SHB: variants seen among roughly 807,000 people sequenced by gnomAD.
The protein encoded by SHB is SH2 domain containing adaptor protein B, also known as SH2 domain-containing adapter protein B.
SHB carries 20 observed loss-of-function variants against 52.3 expected under a neutral mutation model. The observed-to-expected ratio is 0.38, with a 90% CI of 0.27 to 0.56. The LOEUF is 0.56. Among genes scored for constraint, SHB ranks in the 20% least tolerant of loss-of-function variants. The probability of loss-of-function intolerance (pLI) is 0.71; values close to 1 mark genes in which losing one functional copy is unlikely to be tolerated. For synonymous variants in SHB, 397 were observed against 316.5 expected, an observed-to-expected ratio of 1.25 and a Z score of -2.70; for missense variants, 825 against 723.3, an observed-to-expected ratio of 1.14 and a Z score of -1.61.
chr9:38,067,389 C>T, intron 1 of SHB, among the ~76,000 whole-genome samples: 1 of 152,144 alleles, frequency 6.6e-6, no homozygotes, highest in Non-Finnish European at 1.5e-5. Context: ...GATTTGGAAA[C>T]CTAGAGCTGG....
Position 37,919,889 on chromosome 9 carries a change from T to C in SHB, c.1462A>G (p.Arg488Gly), listed in dbSNP as rs1432255196. ...TCAGCCCCTTTGATGGGTAGCTTTCTGGTGGTGTAGTAGTGGATGACTTCC... is the reference window on the plus strand; with the variant it reads ...TCAGCCCCTTTGATGGGTAGCTTTCCGGTGGTGTAGTAGTGGATGACTTCC... ...VPEVIHYYTT[R>G]KLPIKGAEHL... The change falls in exon 6 of 6, where the codon AGA (arginine) becomes GGA (glycine). Residue 488 changes from arginine to glycine, a missense_variant. Physicochemically the swap from Arg to Gly is moderately radical, Grantham distance 125. Transcript: ENST00000377707. The C allele has an allele frequency of 2.7e-5, 43 of 1,614,032 alleles. No homozygotes were observed. The highest frequency in any genetic ancestry group is 3.4e-5 in the Non-Finnish European group (40 of 1,179,976).
chr9:38,061,243 T>C (rs993747281), intron 1 of SHB, among the ~76,000 whole-genome samples: 4 of 150,272 alleles, frequency 2.7e-5, no homozygotes, highest in Non-Finnish European at 5.9e-5. Context: ...GCCTGGGAAG[T>C]TGAGGCTGCA....
chr9:38,013,877 A>G (rs1271696597), intron 2 of SHB, among the ~76,000 whole-genome samples: 2 of 152,096 alleles, frequency 1.3e-5, no homozygotes, highest in South Asian at 2.1e-4. Context: ...ACTTACTTCT[A>G]TTGGTGCGAC....
At chr9:38,039,284 A>C (rs568780103) in intron 1 of SHB, among the ~76,000 whole-genome samples, 1 of 152,378 alleles carries the variant, frequency 6.6e-6, no homozygotes, top group East Asian at 1.9e-4. Flanking sequence ...AATCTAAACA[A>C]GAAGAAAACT....
At chr9:38,041,626 G>A (rs1252626092) in intron 1 of SHB, among the ~76,000 whole-genome samples, 1 of 152,062 alleles carries the variant, frequency 6.6e-6, no homozygotes, top group Non-Finnish European at 1.5e-5. Flanking sequence ...GTGGTGGTGG[G>A]GTGGAGATTT....
chr9:38,007,626 G>C (rs1215325189), intron 2 of SHB, among the ~76,000 whole-genome samples: 2 of 152,208 alleles, frequency 1.3e-5, no homozygotes, highest in African/African-American at 2.4e-5. Flanking sequence ...CAGGTCCCAG[G>C]AGTGAATTAA....
intron 2 of SHB, among the ~76,000 whole-genome samples, chr9:38,015,086 A>C (rs573926971): frequency 1.3e-5 from 2 of 152,340 alleles, no homozygotes; most frequent in East Asian, 3.9e-4. Context: ...AGGCAGCCCC[A>C]AACTTGCTCC....
chr9:37,974,553 G>GGTGGGGACCAAGGTGA, intron 3 of SHB, 69 bp downstream of exon 3: 6 of 1,364,428 alleles, frequency 4.4e-6, no homozygotes, highest in Non-Finnish European at 6.1e-6. Context: ...CCTGAGCGCA[G>GGTGGGGACCAAGGTGA]GTGGGGACCA....
intron 2 of SHB, among the ~76,000 whole-genome samples, chr9:37,980,792 G>C (rs1032548062): frequency 6.6e-6 from 1 of 152,204 alleles, no homozygotes; most frequent in African/African-American, 2.4e-5. Flanking sequence ...TGTTGTGTTA[G>C]CAGGCATGAA....
At chr9:37,923,331 A>AGGGGCTGGGAGTAAAAGAC (rs1832205691) in intron 5 of SHB, among the ~76,000 whole-genome samples, 2 of 152,290 alleles carry the variant, frequency 1.3e-5, no homozygotes, top group Admixed American at 1.3e-4. Context: ...GAGACAGCAG[A>AGGGGCTGGGAGTAAAAGAC]GGGGCTGGGA....
At chr9:38,050,441 A>G (rs1821724550) in intron 1 of SHB, among the ~76,000 whole-genome samples, 1 of 152,318 alleles carries the variant, frequency 6.6e-6, no homozygotes, top group South Asian at 2.1e-4. Context: ...ATTCAAATAT[A>G]TGGATATTTT....
At chr9:37,979,150 A>G (rs1473844999) in intron 2 of SHB, among the ~76,000 whole-genome samples, 1 of 152,206 alleles carries the variant, frequency 6.6e-6, no homozygotes, top group Admixed American at 6.5e-5. Flanking sequence ...GGAGTCTGTG[A>G]CCATATGTTT....
rs1363921295 is a variant in SHB, at chr9:38,041,774, G to A, written c.718-25643C>T. Among the ~76,000 whole-genome samples the A allele has an allele frequency of 5.5e-4, 84 of 152,218 alleles. 2 individuals carry two copies. Among genetic ancestry groups the A allele is most frequent in the Admixed American group, 5.2e-3 (80 of 15,288 alleles). On this transcript the variant is annotated intron_variant, in intron 1 of 5. Transcript: ENST00000377707. ...ATCAGCTGCCCTCCACAAACAGGTCGTGACAGGGGCCGGTACTGAATGCCC... is the reference window on the plus strand; with the variant it reads ...ATCAGCTGCCCTCCACAAACAGGTCATGACAGGGGCCGGTACTGAATGCCC...
At chr9:38,042,223 G>A (rs1216464347) in intron 1 of SHB, among the ~76,000 whole-genome samples, 3 of 152,198 alleles carry the variant, frequency 2.0e-5, no homozygotes, top group Non-Finnish European at 4.4e-5. Flanking sequence ...GAGTGTTGCT[G>A]CAACAAAGCA....
chr9:37,974,504 G>A, intron 3 of SHB, 118 bp downstream of exon 3: 1 of 835,392 alleles, frequency 1.2e-6, no homozygotes, highest in Non-Finnish European at 1.9e-6. Flanking sequence ...TGAGAAAAAA[G>A]ACCACCCAAC....
rs745352256 is a variant in SHB at position 38,068,045 on chromosome 9, C to T, written c.601G>A (p.Gly201Arg). The change falls in exon 1 of 6, where the codon GGG becomes AGG. Residue 201 changes from glycine (G) to arginine (R), a missense_variant. By Grantham distance (125) the Gly-to-Arg change is moderately radical (BLOSUM62 -2). Transcript: ENST00000377707. ...GTGCGGCCGCCCGCGCAGGCGCCCC[C>T]CAGGGGGTCCCCGGCCCCACCGCCC... is the stretch of plus-strand genomic sequence containing the variant. ...AAGGGAGDPL[G>R]GACAGGRTWS... 5 of 1,502,122 alleles carry T rather than the reference C, an allele frequency of 3.3e-6. No individual in the cohort carries two copies. Among genetic ancestry groups the T allele is most frequent in the Admixed American group, 4.5e-5 (2 of 44,600 alleles). 93.0% of individuals were successfully genotyped at this position (1,502,122 alleles called of 1,614,324 possible).
rs1053936216 is a variant in SHB at position 37,916,676 on chromosome 9, G to T, written c.*3145C>A. ...GCACCCCTTTCCTGGGAACAGCTACGCTGTGAGCCTCTCTCCAGGAGAGGG... is the reference window on the plus strand; with the variant it reads ...GCACCCCTTTCCTGGGAACAGCTACTCTGTGAGCCTCTCTCCAGGAGAGGG... On this transcript the variant is annotated 3_prime_UTR_variant, in exon 6 of 6. Coordinates refer to ENST00000377707, the MANE Select transcript of SHB (RefSeq NM_003028.3). Among the ~76,000 whole-genome samples, 1 of 152,250 alleles carries T rather than the reference G, an allele frequency of 6.6e-6. No individual in the cohort carries two copies. The highest frequency in any genetic ancestry group is 1.5e-5 in the Non-Finnish European group (1 of 68,044).
intron 4 of SHB, among the ~76,000 whole-genome samples, chr9:37,952,136 G>A (rs769432708): frequency 6.6e-6 from 1 of 152,092 alleles, no homozygotes; most frequent in Non-Finnish European, 1.5e-5. Flanking sequence ...GCTGATGAAG[G>A]GAGAGGAAGA....
intron 2 of SHB, among the ~76,000 whole-genome samples, chr9:37,990,868 A>C (rs1820873011): frequency 6.6e-6 from 1 of 152,248 alleles, no homozygotes; most frequent in South Asian, 2.1e-4. Context: ...GACAAAGAAT[A>C]ATGTTTGGCA....
Sources: gnomAD v4.1 joint callset for allele counts (sites outside exome capture counted in the v4.1 genomes callset) on GRCh38, gnomAD v4.1.1 for gene constraint, MANE v1.5 for transcripts, NCBI Gene and HGNC (gene_info 2026-07-23, HGNC 2026-07-21) for gene names.